The following NCAPD3 variants were observed in gnomAD, a reference collection of about 807,000 sequenced individuals.
NCAPD3 encodes the protein non-SMC condensin II complex subunit D3.
A neutral mutation model predicts 182.9 loss-of-function variants in NCAPD3; 105 were observed. That is an observed-to-expected ratio of 0.57 (90% confidence interval 0.49 to 0.68). NCAPD3 has a LOEUF of 0.68. Among genes scored for constraint, NCAPD3 ranks in the 30% least tolerant of loss-of-function variants. The pLI is 0.00. For synonymous variants in NCAPD3, 815 were observed against 679.9 expected (o/e 1.20, Z -3.09); for missense variants, 1,944 against 1,837.0 (o/e 1.06, Z -1.07).
At chr11:134,162,494 TA>T (rs199545903) in intron 27 of NCAPD3, among the ~76,000 whole-genome samples, 7 of 151,226 alleles carry the variant, frequency 4.6e-5, no homozygotes, top group Non-Finnish European at 1.0e-4. Context: ...CTCTTTAAAT[TA>T]AAAAAAAAGC....
At chr11:134,159,866 C>T (rs1180196013) in intron 29 of NCAPD3, 26 bp downstream of exon 29, 1 of 1,600,830 alleles carries the variant, frequency 6.2e-7, no homozygotes, top group Non-Finnish European at 8.5e-7. Context: ...ACTGTCTGGT[C>T]ACAGTGCAGT....
At chr11:134,192,153 C>T (rs1944536005) in intron 16 of NCAPD3, among the ~76,000 whole-genome samples, 1 of 152,284 alleles carries the variant, frequency 6.6e-6, no homozygotes, top group South Asian at 2.1e-4. Context: ...GCCAAGGCTG[C>T]AGAATGGTAT....
chr11:134,184,943 A>G lies in NCAPD3; in HGVS notation c.2295T>C (p.Ile765=), dbSNP rs137959813. The G allele has an allele frequency of 5.6e-4, 904 of 1,613,870 alleles. 1 individual carries two copies. The highest frequency in any genetic ancestry group is 7.2e-4 in the Non-Finnish European group (847 of 1,179,890). Residue 765 remains isoleucine (I), a synonymous_variant, in exon 18 of 35, where the codon ATT becomes ATC. Transcript: ENST00000534548. ...LGHILCVIGH[I]AKHLPKSTRD... ...GGGTGCTCTTAGGAAGATGCTTTGC[A>G]ATATGCCCAATCACACAGAGAATAT...
intron 4 of NCAPD3, chr11:134,209,793 C>T (rs528204736): frequency 1.5e-5 from 4 of 271,234 alleles, no homozygotes; most frequent in South Asian, 1.2e-4. Flanking sequence ...GGTGTTGTGG[C>T]TCATGCCTGT....
Position 134,166,575 on chromosome 11 carries a change from G to C in NCAPD3, c.3573+1421C>G, listed in dbSNP as rs567980453. ...GGGGAGGCGCACACTCGTGAGATGAGCTTAGGGGAGCTGCACACTCACTAG... is the reference window on the plus strand; with the variant it reads ...GGGGAGGCGCACACTCGTGAGATGACCTTAGGGGAGCTGCACACTCACTAG... On this transcript the variant is annotated intron_variant, in intron 27 of 34. Coordinates refer to ENST00000534548, the MANE Select transcript of NCAPD3 (RefSeq NM_015261.3). Among the ~76,000 whole-genome samples, 7 of 13,704 alleles carry C rather than the reference G, an allele frequency of 5.1e-4. 1 individual carries two copies. The highest frequency in any genetic ancestry group is 1.4e-3 in the Non-Finnish European group (7 of 4,998). The allele number at this position is 13,704 out of a possible 152,430, so 9.0% of individuals were successfully genotyped here.
At chr11:134,201,175 C>T (rs1053887398) in intron 13 of NCAPD3, among the ~76,000 whole-genome samples, 1 of 152,064 alleles carries the variant, frequency 6.6e-6, no homozygotes, top group Non-Finnish European at 1.5e-5. Context: ...AGGTGTGTGC[C>T]ACCACGCCCA....
intron 27 of NCAPD3, among the ~76,000 whole-genome samples, chr11:134,166,883 T>A (rs1943833358): frequency 9.1e-6 from 1 of 110,342 alleles, no homozygotes. Context: ...AGGCGCACAC[T>A]CACTTGTGAG....
In NCAPD3 at chr11:134,158,399, C is replaced by G; in HGVS notation, c.3964G>C (p.Ala1322Pro). ...GGAGATGATACTGCTACATGGCCAG[C>G]ACTTGCCCTGGGTGTGCAGGGCTGG... Reference protein sequence around the residue: ...VSQPCTPRASAGHVAVSSPTP... With the variant: ...VSQPCTPRASPGHVAVSSPTP... Residue 1322 changes from alanine to proline, a missense_variant, in exon 30 of 35, where the codon GCT (alanine) becomes CCT (proline). By Grantham distance (27) the Ala-to-Pro change is conservative. This residue lies in a region of NCAPD3 where 1,803 missense variants were observed against 1,674.6 expected (regional missense o/e 1.08). Coordinates refer to ENST00000534548, the MANE Select transcript of NCAPD3 (RefSeq NM_015261.3). 1 of 1,614,220 alleles carries G rather than the reference C, an allele frequency of 6.2e-7. No homozygotes were observed. Among genetic ancestry groups the G allele is most frequent in the Non-Finnish European group, 8.5e-7 (1 of 1,180,036 alleles).
chr11:134,210,045 G>C lies in NCAPD3; in HGVS notation c.567+225C>G, dbSNP rs147551110. ...CACTCCAACCTGGGCGACACAGCAA[G>C]ACTCTGTCTCAAAAAGAAAAAGAAA... On this transcript the variant is annotated intron_variant, in intron 4 of 34. Coordinates refer to ENST00000534548, the MANE Select transcript of NCAPD3 (RefSeq NM_015261.3). Among the ~76,000 whole-genome samples the C allele has an allele frequency of 3.0e-3, 460 of 152,202 alleles. 2 individuals carry two copies. Among genetic ancestry groups the C allele is most frequent in the Non-Finnish European group, 5.2e-3 (355 of 68,012 alleles).
At position 134,223,848 on chromosome 11, in the gene NCAPD3, G is replaced by T. The variant is rs770015122; in HGVS notation, c.64+15C>A. On this transcript the variant is annotated intron_variant, in intron 1 of 34. Transcript: ENST00000534548. ...CTCGCCCTGGCCCCCGGGCCTCCCG[G>T]CTGCATCTGCTCACCGAGTCTAAGA... is the stretch of plus-strand genomic sequence containing the variant. The T allele has an allele frequency of 6.2e-7, 1 of 1,611,360 alleles. No homozygotes were observed.
chr11:134,176,468 C>T lies in NCAPD3; in HGVS notation c.3022-82G>A, dbSNP rs544120084. The T allele has an allele frequency of 2.4e-4, 277 of 1,171,530 alleles. No individual in the cohort carries two copies. In the African/African-American group the frequency reaches 2.7e-3, roughly 11 times the overall value. The allele number at this position is 1,171,530 out of a possible 1,614,324, so 72.6% of individuals were successfully genotyped here. On this transcript the variant is annotated intron_variant, in intron 23 of 34. Coordinates refer to ENST00000534548, the MANE Select transcript of NCAPD3 (RefSeq NM_015261.3). ...GTTCCCAGCCACACCCCACCCACCA[C>T]GCGGTCTGTCCCCGGCACACTGGCT...
chr11:134,159,911 T>A lies in NCAPD3; in HGVS notation c.3848A>T (p.Glu1283Val), dbSNP rs368080986. 1.2e-6 allele frequency: 2 copies of A among 1,613,070 alleles called. No individual in the cohort carries two copies. Among genetic ancestry groups the A allele is most frequent in the South Asian group, 1.1e-5 (1 of 91,044 alleles). Residue 1283 changes from glutamate to valine, a missense_variant, in exon 29 of 35, where the codon GAG (glutamate) becomes GTG (valine). By Grantham distance (121) the Glu-to-Val change is moderately radical. This residue lies in a region of NCAPD3 where 1,803 missense variants were observed against 1,674.6 expected (regional missense o/e 1.08). Coordinates refer to ENST00000534548, the MANE Select transcript of NCAPD3 (RefSeq NM_015261.3). ...ACCTACCTGTGCCACAGGTGCCACC[T>A]CAGCACCTCCAGCCGTCCCGGCCAC... ...ADVAGTAGGA[E>V]VAPVAQVALC...
rs531940023 is a variant in NCAPD3 at position 134,157,182 on chromosome 11, G to A, written c.4175-87C>T. The A allele has an allele frequency of 3.7e-5, 39 of 1,045,748 alleles. 1 individual carries two copies. The South Asian group carries it at 6.3e-4, about 17-fold the overall frequency. The allele number at this position is 1,045,748 out of a possible 1,614,324, so 64.8% of individuals were successfully genotyped here. ...ACCACATGAGAAAACATATCTGCAAGACGTAAAGTCAAAATCACTAGTGTT... is the reference window on the plus strand; with the variant it reads ...ACCACATGAGAAAACATATCTGCAAAACGTAAAGTCAAAATCACTAGTGTT... On this transcript the variant is annotated intron_variant, in intron 31 of 34. Transcript: ENST00000534548.
At chr11:134,174,681 T>C (rs1944116718) in intron 24 of NCAPD3, among the ~76,000 whole-genome samples, 1 of 152,104 alleles carries the variant, frequency 6.6e-6, no homozygotes, top group African/African-American at 2.4e-5. Context: ...GTAGGTTGAA[T>C]ATAATAACAA....
intron 27 of NCAPD3, among the ~76,000 whole-genome samples, chr11:134,162,155 C>A (rs1037361925): frequency 1.3e-5 from 2 of 152,158 alleles, no homozygotes; most frequent in African/African-American, 4.8e-5. Context: ...GAATTAGAAA[C>A]ATGTTGAGTA....
Position 134,184,915 on chromosome 11 carries a change from C to T in NCAPD3, c.2323G>A (p.Asp775Asn), listed in dbSNP as rs752931368. The T allele has an allele frequency of 1.2e-6, 2 of 1,611,482 alleles. No homozygotes were observed. Among genetic ancestry groups the T allele is most frequent in the Non-Finnish European group, 1.7e-6 (2 of 1,177,692 alleles). Residue 775 changes from aspartate (D) to asparagine (N), a missense_variant, in exon 18 of 35, where the codon GAC (aspartate) becomes AAC (asparagine). Around this residue, in one of 3 missense-constraint regions of NCAPD3, gnomAD observed 1,803 missense variants for 1,674.6 expected, o/e 1.08. Coordinates refer to ENST00000534548, the MANE Select transcript of NCAPD3 (RefSeq NM_015261.3). Reference protein sequence around the residue: ...IAKHLPKSTRDKVTDAVKCKL... With the variant: ...IAKHLPKSTRNKVTDAVKCKL... ...AGCAGACACTCACCAGTCACTTTGT[C>T]CCGGGTGCTCTTAGGAAGATGCTTT...
At position 134,180,462 on chromosome 11, in the gene NCAPD3, A is replaced by G. The variant is rs532920373; in HGVS notation, c.2559+615T>C. ...AGATGTTGGAACCAGAATTACTGCC[A>G]TACATCTTATCCCCAGTCAGCCACT... On this transcript the variant is annotated intron_variant, in intron 20 of 34. Transcript: ENST00000534548. Among the ~76,000 whole-genome samples, 7 of 138,554 alleles carry G rather than the reference A, an allele frequency of 5.1e-5. No homozygotes were observed. The East Asian group carries it at 1.6e-3, about 32-fold the overall frequency. The allele number at this position is 138,554 out of a possible 152,430, so 90.9% of individuals were successfully genotyped here.
chr11:134,160,991 C>T (rs1019378545), intron 28 of NCAPD3, among the ~76,000 whole-genome samples: 1 of 150,758 alleles, frequency 6.6e-6, no homozygotes, highest in Non-Finnish European at 1.5e-5. Flanking sequence ...GCAATAAATA[C>T]AAGAATATTT....
intron 13 of NCAPD3, 72 bp from the exon 14 acceptor site, chr11:134,194,810 A>C: frequency 1.0e-6 from 1 of 993,006 alleles, no homozygotes; most frequent in Non-Finnish European, 1.5e-6. Flanking sequence ...TCACCACACA[A>C]TACCCAGAAA....
Sources: allele counts gnomAD v4.1 joint callset (sites outside exome capture counted in the v4.1 genomes callset), GRCh38; gene constraint gnomAD v4.1.1; regional missense constraint gnomAD v4.1.1; transcripts MANE v1.5; gene names NCBI Gene and HGNC (gene_info 2026-07-23, HGNC 2026-07-21).